RSF1: variants seen among roughly 807,000 people sequenced by gnomAD.
RSF1 encodes HBV pX-associated protein 8.
In RSF1, 13 loss-of-function variants were observed where a neutral mutation model predicts 145.2. The observed-to-expected ratio is 0.09, with a 90% CI of 0.06 to 0.14. RSF1 has a LOEUF of 0.14. Ranked by LOEUF, RSF1 falls within the 10% of genes least tolerant of loss-of-function variation. The pLI, the probability that RSF1 is intolerant of heterozygous loss-of-function variation, is 1.00. For synonymous variants in RSF1, 577 were observed against 592.6 expected, an observed-to-expected ratio of 0.97 and a Z score of 0.38; for missense variants, 1,517 against 1,718.2, an observed-to-expected ratio of 0.88 and a Z score of 2.07.
chr11:77,851,113 C>T, the RSF1 span: 1 of 152,108 alleles, frequency 6.6e-6, no homozygotes, highest in Admixed American at 6.6e-5. Flanking sequence ...TGCCACCACG[C>T]CCGGCTAATT....
rs1222813235 is a variant in RSF1, at chr11:77,715,261, A to G, written c.733+10284T>C. Among the ~76,000 whole-genome samples, 3 of 152,166 alleles carry G rather than the reference A, an allele frequency of 2.0e-5. No homozygotes were observed. In the East Asian group the frequency reaches 5.8e-4, roughly 29 times the overall value. On this transcript the variant is annotated intron_variant, in intron 5 of 15. Transcript: ENST00000308488. ...AATACAAGAAAGAAATGCAAACGTCAATGTATTTCCTGTCAATTTTTTCTA... is the reference window on the plus strand; with the variant it reads ...AATACAAGAAAGAAATGCAAACGTCGATGTATTTCCTGTCAATTTTTTCTA...
intron 2 of RSF1, among the ~76,000 whole-genome samples, chr11:77,756,721 A>G (rs1162772049): frequency 6.6e-6 from 1 of 152,226 alleles, no homozygotes; most frequent in African/African-American, 2.4e-5. Flanking sequence ...CTCAGGAGGA[A>G]AGTACGGCAA....
intron 11 of RSF1, among the ~76,000 whole-genome samples, chr11:77,680,301 G>C (rs1959823691): frequency 6.6e-6 from 1 of 152,020 alleles, no homozygotes; most frequent in South Asian, 2.1e-4. Context: ...TTAGCCAGGT[G>C]TGGTGATGTG....
chr11:77,667,726 CAG>C (rs1358835198), intron 15 of RSF1, among the ~76,000 whole-genome samples: 1 of 151,994 alleles, frequency 6.6e-6, no homozygotes, highest in African/African-American at 2.4e-5. Flanking sequence ...TTTATTGAGA[CAG>C]AGTCTCGCAC....
Position 77,666,807 on chromosome 11 carries a change from A to T in RSF1, c.*110T>A. 2.4e-6 allele frequency: 2 copies of T among 850,728 alleles called. No individual in the cohort carries two copies. The highest frequency in any genetic ancestry group is 3.4e-6 in the Non-Finnish European group (2 of 581,832). The allele number at this position is 850,728 out of a possible 1,614,324, so 52.7% of individuals were successfully genotyped here. On this transcript the variant is annotated 3_prime_UTR_variant, in exon 16 of 16. Coordinates refer to ENST00000308488, the MANE Select transcript of RSF1 (RefSeq NM_016578.4). ...GATTTGTTGAAATTTTTCTTCTAAA[A>T]GTCATTCTGTAGTGGAGTTTTCTAG...
chr11:77,859,200 G>C, the RSF1 span, among the ~76,000 whole-genome samples: 2 of 152,180 alleles, frequency 1.3e-5, no homozygotes, highest in African/African-American at 4.8e-5. Context: ...TGAGTACAGG[G>C]GCTTGGTTTC....
chr11:77,795,054 G>A (rs373037747), intron 1 of RSF1, among the ~76,000 whole-genome samples: 6 of 151,916 alleles, frequency 3.9e-5, no homozygotes, highest in Middle Eastern at 3.4e-3. Flanking sequence ...CACCAATAAC[G>A]CAAGAGCGAA....
chr11:77,852,623 A>G, the RSF1 span, among the ~76,000 whole-genome samples: 1 of 152,146 alleles, frequency 6.6e-6, no homozygotes, highest in Non-Finnish European at 1.5e-5. Flanking sequence ...AGAAAGTCTT[A>G]TTCACCTCCC....
At chr11:77,683,600 T>C in intron 11 of RSF1, 110 bp downstream of exon 11, 1 of 641,644 alleles carries the variant, frequency 1.6e-6, no homozygotes, top group Non-Finnish European at 2.6e-6. Context: ...AAGAAATATA[T>C]ATACAACTGC....
intron 15 of RSF1, among the ~76,000 whole-genome samples, chr11:77,669,312 C>G (rs1043688628): frequency 6.6e-6 from 1 of 152,158 alleles, no homozygotes; most frequent in Non-Finnish European, 1.5e-5. Context: ...CCCCTTCAAT[C>G]TATTCATAAC....
chr11:77,747,659 C>T (rs1268043510), intron 2 of RSF1, among the ~76,000 whole-genome samples: 2 of 152,208 alleles, frequency 1.3e-5, no homozygotes, highest in African/African-American at 4.8e-5. Flanking sequence ...TCTTTCTACA[C>T]AAGCATTTCA....
chr11:77,787,202 G>A (rs1565180556), intron 1 of RSF1, among the ~76,000 whole-genome samples: 1 of 152,134 alleles, frequency 6.6e-6, no homozygotes, highest in Non-Finnish European at 1.5e-5. Flanking sequence ...ACCCACACAG[G>A]TCTATGAACA....
In RSF1 at chr11:77,662,092, A is replaced by C. The variant is rs1422133484; in HGVS notation, c.*4825T>G. 6.6e-6 allele frequency: 1 copy of C among 152,122 alleles called. No homozygotes were observed. Among genetic ancestry groups the C allele is most frequent in the African/African-American group, 2.4e-5 (1 of 41,438 alleles). 9.4% of individuals were successfully genotyped at this position (152,122 alleles called of 1,614,324 possible). A position where few individuals can be genotyped will look rare whatever the true frequency, so the allele number is the denominator to read the frequency against. On this transcript the variant is annotated 3_prime_UTR_variant, in exon 16 of 16. Transcript: ENST00000308488. ...TACCGGTTTGGCCAAAAAAGGAAAA[A>C]ACAAAATTCCTTTAAAAATGTTTTT...
chr11:77,797,597 C>T (rs1948585453), intron 1 of RSF1, among the ~76,000 whole-genome samples: 1 of 152,176 alleles, frequency 6.6e-6, no homozygotes, highest in South Asian at 2.1e-4. Context: ...AGGACATAGG[C>T]ATGGGCAAAG....
In RSF1 at chr11:77,734,445, C is replaced by A. The variant is rs1017993432; in HGVS notation, c.578+6286G>T. 4.1e-5 allele frequency: 63 copies of A among 1,535,982 alleles called. No homozygotes were observed. The African/African-American group carries it at 7.9e-4, about 19-fold the overall frequency. On this transcript the variant is annotated intron_variant, in intron 4 of 15. Coordinates refer to ENST00000308488, the MANE Select transcript of RSF1 (RefSeq NM_016578.4). ...ACTGCCTTGGTGACCAGGGAAGTCACCCCACGGCTACGGGGAAATTAGCCG... is the reference window on the plus strand; with the variant it reads ...ACTGCCTTGGTGACCAGGGAAGTCAACCCACGGCTACGGGGAAATTAGCCG...
chr11:77,785,510 A>C (rs1390684309), intron 1 of RSF1, among the ~76,000 whole-genome samples: 1 of 152,080 alleles, frequency 6.6e-6, no homozygotes, highest in Non-Finnish European at 1.5e-5. Flanking sequence ...GAATTGCTTG[A>C]ACCTGGGAGG....
At position 77,811,831 on chromosome 11, in the gene RSF1, CTTGGGTAGATGATAGTAACATTCAT is replaced by C. The variant is rs1219841470; in HGVS notation, c.187+8672_187+8696del. Among the ~76,000 whole-genome samples, 14 of 152,122 alleles carry C rather than the reference CTTGGGTAGATGATAGTAACATTCAT, an allele frequency of 9.2e-5. No individual in the cohort carries two copies. The East Asian group carries it at 2.7e-3, about 29-fold the overall frequency. On this transcript the variant is annotated intron_variant, in intron 1 of 15. Coordinates refer to ENST00000308488, the MANE Select transcript of RSF1 (RefSeq NM_016578.4). ...CCTCCTTGGTTTCTGATCTGAGTGA[CTTGGGTAGATGATAGTAACATTCAT>C]TTAAGAGGTAATTCAAGATTAAGAA... is the stretch of plus-strand genomic sequence containing the variant.
chr11:77,771,704 C>T (rs977785340), intron 1 of RSF1, among the ~76,000 whole-genome samples: 2 of 152,078 alleles, frequency 1.3e-5, no homozygotes, highest in Admixed American at 6.6e-5. Context: ...CGCTGAGTGA[C>T]GGGCACATGA....
chr11:77,810,924 T>A (rs990140483), intron 1 of RSF1, among the ~76,000 whole-genome samples: 3 of 152,228 alleles, frequency 2.0e-5, no homozygotes, highest in Non-Finnish European at 4.4e-5. Context: ...TTTTGGGTTT[T>A]GTTTTTTTCT....
Sources: allele counts gnomAD v4.1 joint callset (sites outside exome capture counted in the v4.1 genomes callset), GRCh38; gene constraint gnomAD v4.1.1; transcripts MANE v1.5; gene names NCBI Gene and HGNC (gene_info 2026-07-23, HGNC 2026-07-21).